The following PRSS12 variants were observed in gnomAD, a reference collection of about 807,000 sequenced individuals.
PRSS12 encodes serine protease 12.
In PRSS12, 85 loss-of-function variants were observed where a neutral mutation model predicts 104.4. That is an observed-to-expected ratio of 0.81 (90% CI 0.68 to 0.98). The LOEUF is 0.98. Among genes scored for constraint, PRSS12 ranks in the 50% least tolerant of loss-of-function variants. The pLI, the probability that PRSS12 is intolerant of heterozygous loss-of-function variation, is 0.00. For synonymous variants in PRSS12, 454 were observed against 425.2 expected (o/e 1.07, Z -0.83); for missense variants, 1,141 against 1,139.2 (o/e 1.00, Z -0.02).
At chr4:118,337,523 A>G (rs1560784963) in intron 2 of PRSS12, among the ~76,000 whole-genome samples, 1 of 152,194 alleles carries the variant, frequency 6.6e-6, no homozygotes. Context: ...GCCTAGGGTT[A>G]CAGTGGAGCC....
At chr4:118,321,464 A>G (rs1723621369) in intron 4 of PRSS12, among the ~76,000 whole-genome samples, 1 of 152,192 alleles carries the variant, frequency 6.6e-6, no homozygotes, top group Non-Finnish European at 1.5e-5. Context: ...ACCTTCAACA[A>G]GCTGGGCTAC....
chr4:118,333,510 T>C (rs1034592693), intron 3 of PRSS12, among the ~76,000 whole-genome samples: 6 of 152,214 alleles, frequency 3.9e-5, no homozygotes, highest in Non-Finnish European at 5.9e-5. Flanking sequence ...AATTTGTTAA[T>C]GGATAAAGAC....
chr4:118,323,689 T>G (rs1723691501), intron 4 of PRSS12, among the ~76,000 whole-genome samples: 1 of 151,574 alleles, frequency 6.6e-6, no homozygotes, highest in African/African-American at 2.4e-5. Flanking sequence ...AATTGAAAAC[T>G]ACCATACAGC....
rs1042780104 is a variant in PRSS12 at position 118,280,056 on chromosome 4, GTATT to G, written c.*1876_*1879del. The G allele has an allele frequency of 2.0e-5, 3 of 152,200 alleles. No homozygotes were observed. Among genetic ancestry groups the G allele is most frequent in the Non-Finnish European group, 4.4e-5 (3 of 68,042 alleles). 9.4% of individuals were successfully genotyped at this position (152,200 alleles called of 1,614,324 possible). Reference sequence around the variant, plus strand: ...GCAGTTATACAAGGTGGAAAATTATGTATTTATTTACACAAATATGCACAGAACA... The same window carrying G: ...GCAGTTATACAAGGTGGAAAATTATGTATTTACACAAATATGCACAGAACA... On this transcript the variant is annotated 3_prime_UTR_variant, in exon 13 of 13. Coordinates refer to ENST00000296498, the MANE Select transcript of PRSS12 (RefSeq NM_003619.4).
chr4:118,343,790 C>T (rs1724278967), intron 1 of PRSS12, among the ~76,000 whole-genome samples: 2 of 152,050 alleles, frequency 1.3e-5, no homozygotes, highest in Admixed American at 1.3e-4. Flanking sequence ...TTAGTTAACC[C>T]CTCATTAAAA....
Position 118,352,683 on chromosome 4 carries a change from C to T in PRSS12, c.38G>A (p.Gly13Glu), listed in dbSNP as rs1481021245. 1 of 1,613,268 alleles carries T rather than the reference C, an allele frequency of 6.2e-7. No individual in the cohort carries two copies. The highest frequency in any genetic ancestry group is 2.2e-5 in the East Asian group (1 of 44,810). Residue 13 changes from glycine to glutamate, a missense_variant, in exon 1 of 13, where the codon GGG becomes GAG. Physicochemically the swap from Gly to Glu is moderately conservative, Grantham distance 98. Transcript: ENST00000296498. Reference sequence around the variant, plus strand: ...AAAGCCGACCACTTCGGGGAGCGCCCCTAACATCAGGGCTAGCACGAAGCG... The same window carrying T: ...AAAGCCGACCACTTCGGGGAGCGCCTCTAACATCAGGGCTAGCACGAAGCG... ...LARFVLALML[G>E]ALPEVVGFDS... is the part of the protein sequence containing the mutation.
chr4:118,316,698 T>A (rs896518142), intron 5 of PRSS12, among the ~76,000 whole-genome samples: 3 of 151,904 alleles, frequency 2.0e-5, no homozygotes, highest in African/African-American at 7.2e-5. Context: ...GGCGCATGCC[T>A]GTAATCCCAG....
intron 7 of PRSS12, among the ~76,000 whole-genome samples, chr4:118,312,145 TCA>T (rs1230709211): frequency 6.6e-6 from 1 of 152,184 alleles, no homozygotes; most frequent in African/African-American, 2.4e-5. Context: ...CACCAAGCTC[TCA>T]CAGTGTACAG....
chr4:118,300,915 GT>G (rs1420027997), intron 8 of PRSS12, among the ~76,000 whole-genome samples: 16 of 151,868 alleles, frequency 1.1e-4, no homozygotes, highest in Admixed American at 1.0e-3. Context: ...TTTCTTCATT[GT>G]TGCGCATGTG....
chr4:118,324,383 T>G (rs941160289), intron 4 of PRSS12, among the ~76,000 whole-genome samples: 1 of 152,088 alleles, frequency 6.6e-6, no homozygotes, highest in Non-Finnish European at 1.5e-5. Flanking sequence ...ATACAATTTT[T>G]AGGCAAAAAG....
rs957795451 is a variant in PRSS12, at chr4:118,281,673, T to G, written c.*263A>C. 3.9e-6 allele frequency: 2 copies of G among 506,758 alleles called. No homozygotes were observed. Among genetic ancestry groups the G allele is most frequent in the African/African-American group, 4.0e-5 (2 of 49,690 alleles). The allele number at this position is 506,758 out of a possible 1,614,324, so 31.4% of individuals were successfully genotyped here. ...GCATAGAATGATTTTGAGAAATAGGTAGGGGATAGATGAGGCTTAGAATAA... is the reference window on the plus strand; with the variant it reads ...GCATAGAATGATTTTGAGAAATAGGGAGGGGATAGATGAGGCTTAGAATAA... On this transcript the variant is annotated 3_prime_UTR_variant, in exon 13 of 13. Coordinates refer to ENST00000296498, the MANE Select transcript of PRSS12 (RefSeq NM_003619.4).
chr4:118,295,324 T>C (rs1341790573), intron 10 of PRSS12, among the ~76,000 whole-genome samples: 2 of 152,222 alleles, frequency 1.3e-5, no homozygotes, highest in Admixed American at 1.3e-4. Context: ...AAACAAGTTG[T>C]CTTCTTTATA....
intron 1 of PRSS12, among the ~76,000 whole-genome samples, chr4:118,347,074 C>A (rs549167511): frequency 6.6e-6 from 1 of 150,628 alleles, no homozygotes; most frequent in Non-Finnish European, 1.5e-5. Context: ...TTATTGTCTT[C>A]TCTAAAAAAA....
At chr4:118,297,115 C>A (rs548671969) in intron 9 of PRSS12, among the ~76,000 whole-genome samples, 4 of 152,222 alleles carry the variant, frequency 2.6e-5, no homozygotes, top group South Asian at 2.1e-4. Flanking sequence ...TGACCAATAA[C>A]CAATGGCTTC....
Position 118,352,519 on chromosome 4 carries a change from G to GGCGCGGGAA in PRSS12, c.193_201dup (p.Phe65_Arg67dup). 1 of 1,462,134 alleles carries GGCGCGGGAA rather than the reference G, an allele frequency of 6.8e-7. No individual in the cohort carries two copies. The highest frequency in any genetic ancestry group is 9.1e-7 in the Non-Finnish European group (1 of 1,103,362). The allele number at this position is 1,462,134 out of a possible 1,614,324, so 90.6% of individuals were successfully genotyped here. A position where few individuals can be genotyped will look rare whatever the true frequency, so the allele number is the denominator to read the frequency against. The stretch of plus-strand genomic sequence containing the variant: ...CGCTGGGCAGGGAGCGCCCGCGGGG[G>GGCGCGGGAA]GCGCGGGAAGCGCGGGAGAGGCGGC... On this transcript the variant is annotated inframe_insertion, in exon 1 of 13. Transcript: ENST00000296498.
At chr4:118,297,795 A>G (rs866104964) in intron 9 of PRSS12, among the ~76,000 whole-genome samples, 34 of 152,272 alleles carry the variant, frequency 2.2e-4, no homozygotes, top group Middle Eastern at 3.4e-3. Context: ...ATGTACCACA[A>G]ATTTCTCCAA....
At chr4:118,324,306 A>G (rs1723711020) in intron 4 of PRSS12, among the ~76,000 whole-genome samples, 1 of 152,120 alleles carries the variant, frequency 6.6e-6, no homozygotes, top group African/African-American at 2.4e-5. Flanking sequence ...CACTAGTGGT[A>G]AAATTAAACA....
intron 11 of PRSS12, among the ~76,000 whole-genome samples, chr4:118,290,401 G>T (rs1743102389): frequency 6.6e-6 from 1 of 152,092 alleles, no homozygotes; most frequent in African/African-American, 2.4e-5. Flanking sequence ...GAAGATAACA[G>T]ATTATTTTGC....
chr4:118,293,371 A>G (rs1206425135), intron 11 of PRSS12, among the ~76,000 whole-genome samples: 1 of 152,136 alleles, frequency 6.6e-6, no homozygotes, highest in African/African-American at 2.4e-5. Context: ...GAATATCTTC[A>G]CCAAATGGGG....
Sources: allele counts gnomAD v4.1 joint callset (sites outside exome capture counted in the v4.1 genomes callset), GRCh38; gene constraint gnomAD v4.1.1; transcripts MANE v1.5; gene names NCBI Gene and HGNC (gene_info 2026-07-23, HGNC 2026-07-21).